Variants in SH3YL1 observed in about 807,000 individuals in gnomAD.
SH3YL1 encodes the protein SH3 and SYLF domain containing 1, also known as SH3 domain-containing YSC84-like protein 1.
In SH3YL1, 41 loss-of-function variants were observed where a neutral mutation model predicts 45.8. The observed-to-expected ratio is 0.89, with a 90% CI of 0.70 to 1.16. The LOEUF (loss-of-function observed/expected upper bound fraction) is 1.16. SH3YL1 is among the 50% of genes most tolerant of loss of function. SH3YL1 has a pLI of 0.00. For missense variants in SH3YL1, 389 were observed against 409.6 expected (o/e 0.95, Z 0.43); for synonymous variants, 152 against 151.4 (o/e 1.00, Z -0.03).
intron 1 of SH3YL1, 123 bp from the exon 2 acceptor site, chr2:253,238 TG>T: frequency 1.6e-6 from 1 of 615,760 alleles, no homozygotes; most frequent in Non-Finnish European, 2.8e-6. Context: ...GACTCCATTT[TG>T]AATAGGAGCT....
intron 8 of SH3YL1, among the ~76,000 whole-genome samples, chr2:229,396 G>A (rs889367691): frequency 6.6e-6 from 1 of 152,206 alleles, no homozygotes; most frequent in African/African-American, 2.4e-5. Context: ...GAAAATAAAT[G>A]AGAAAACCTT....
chr2:255,894 A>AT (rs1669300460), intron 1 of SH3YL1: 1 of 152,236 alleles, frequency 6.6e-6, no homozygotes, highest in African/African-American at 2.4e-5. Context: ...GGCATGTTGC[A>AT]TTTTTTAATC....
At chr2:254,021 T>C (rs765595380) in intron 1 of SH3YL1, among the ~76,000 whole-genome samples, 2 of 152,204 alleles carry the variant, frequency 1.3e-5, no homozygotes, top group Non-Finnish European at 1.5e-5. Flanking sequence ...ACCTCCCTGT[T>C]ATGTATCTTC....
chr2:243,505 A>C (rs374854242), intron 4 of SH3YL1: 12 of 1,536,772 alleles, frequency 7.8e-6, no homozygotes, highest in Non-Finnish European at 9.6e-6. Context: ...CAACATACCC[A>C]CACTTATGGA....
intron 8 of SH3YL1, among the ~76,000 whole-genome samples, chr2:226,951 A>AATGCAC (rs1267179017): frequency 5.9e-5 from 9 of 152,036 alleles, no homozygotes; most frequent in African/African-American, 2.2e-4. Flanking sequence ...CATGGTGAAA[A>AATGCAC]ATGCACATGG....
chr2:224,806 A>C, intron 9 of SH3YL1, 58 bp downstream of exon 9: 1 of 1,243,186 alleles, frequency 8.0e-7, no homozygotes, highest in Admixed American at 1.7e-5. Flanking sequence ...TTAATTAGGA[A>C]GTTTGTGATC....
chr2:228,133 G>A (rs1052155046), intron 8 of SH3YL1, among the ~76,000 whole-genome samples: 3 of 152,194 alleles, frequency 2.0e-5, no homozygotes, highest in Admixed American at 2.0e-4. Context: ...CTGAAAAGGT[G>A]GAGGGAGGAG....
rs1056916492 is a variant in SH3YL1 at position 218,719 on chromosome 2, T to A, written c.*92A>T. 1.5e-5 allele frequency: 18 copies of A among 1,162,098 alleles called. 1 individual carries two copies. The South Asian group carries it at 3.1e-4, about 20-fold the overall frequency. 72.0% of individuals were successfully genotyped at this position (1,162,098 alleles called of 1,614,324 possible). A position where few individuals can be genotyped will look rare whatever the true frequency, so the allele number is the denominator to read the frequency against. On this transcript the variant is annotated 3_prime_UTR_variant, in exon 10 of 10. Coordinates refer to ENST00000356150, the MANE Select transcript of SH3YL1 (RefSeq NM_015677.4). ...GAAATTTTGTAGAACAGAAGTTTTT[T>A]AAAATTTATATTAAACATTGCTTAA...
chr2:233,292 T>G, intron 5 of SH3YL1, 63 bp from the exon 6 acceptor site: 1 of 1,403,250 alleles, frequency 7.1e-7, no homozygotes, highest in East Asian at 2.5e-5. Context: ...GATCACTATT[T>G]AAATAGCACT....
chr2:230,658 C>T lies in SH3YL1; in HGVS notation c.702+365G>A, dbSNP rs143332552. On this transcript the variant is annotated intron_variant, in intron 7 of 9. Coordinates refer to ENST00000356150, the MANE Select transcript of SH3YL1 (RefSeq NM_015677.4). ...AGTAGCTGAGATTATGGGCACACGCCACCATGCCCAGCTAATGTTTCTATT... is the reference window on the plus strand; with the variant it reads ...AGTAGCTGAGATTATGGGCACACGCTACCATGCCCAGCTAATGTTTCTATT... The T allele has an allele frequency of 3.8e-3, 1,065 of 281,378 alleles. 9 individuals carry two copies. Among genetic ancestry groups the T allele is most frequent in the African/African-American group, 0.023 (1,016 of 44,926 alleles). 17.4% of individuals were successfully genotyped at this position (281,378 alleles called of 1,614,324 possible). A position where few individuals can be genotyped will look rare whatever the true frequency, so the allele number is the denominator to read the frequency against.
rs1043857188 is a variant in SH3YL1, at chr2:263,973, C to T, written c.1+11G>A. ...GGGTGCTGCCGGACAGGTGGGTCCC[C>T]GGGTACTCACTGCTGCCCGCCCGGC... On this transcript the variant is annotated intron_variant, in intron 1 of 9. Coordinates refer to ENST00000356150, the MANE Select transcript of SH3YL1 (RefSeq NM_015677.4). 6 of 1,493,856 alleles carry T rather than the reference C, an allele frequency of 4.0e-6. No homozygotes were observed. The highest frequency in any genetic ancestry group is 1.3e-5 in the South Asian group (1 of 79,180). 92.5% of individuals were successfully genotyped at this position (1,493,856 alleles called of 1,614,324 possible).
intron 1 of SH3YL1, among the ~76,000 whole-genome samples, chr2:262,022 G>A (rs1046307913): frequency 6.6e-6 from 1 of 152,178 alleles, no homozygotes; most frequent in Non-Finnish European, 1.5e-5. Context: ...AAAGGAACTT[G>A]AATGCTGCTA....
chr2:246,879 T>G (rs1411063717), intron 4 of SH3YL1, among the ~76,000 whole-genome samples: 1 of 152,102 alleles, frequency 6.6e-6, no homozygotes, highest in Non-Finnish European at 1.5e-5. Context: ...ACAGGGCAAA[T>G]CTACAAAGGA....
chr2:223,818 C>T lies in SH3YL1; in HGVS notation c.838+1046G>A, dbSNP rs368616594. Among the ~76,000 whole-genome samples the T allele has an allele frequency of 2.9e-3, 446 of 152,308 alleles. 4 individuals are homozygous for T. The highest frequency in any genetic ancestry group is 0.01 in the African/African-American group (419 of 41,572). ...CCGACCATCGCACCTGCTCTCCATACAGGACTCTAGGAGCAGATGCTCAAC... is the reference window on the plus strand; with the variant it reads ...CCGACCATCGCACCTGCTCTCCATATAGGACTCTAGGAGCAGATGCTCAAC... On this transcript the variant is annotated intron_variant, in intron 9 of 9. Coordinates refer to ENST00000356150, the MANE Select transcript of SH3YL1 (RefSeq NM_015677.4).
At chr2:249,042 TA>T (rs936631980) in intron 3 of SH3YL1, among the ~76,000 whole-genome samples, 3 of 152,182 alleles carry the variant, frequency 2.0e-5, no homozygotes, top group Non-Finnish European at 4.4e-5. Context: ...AAAATTATGC[TA>T]AAAAACTGCT....
intron 1 of SH3YL1, chr2:262,733 C>T (rs1270667033): frequency 8.0e-7 from 1 of 1,248,478 alleles, no homozygotes; most frequent in Non-Finnish European, 1.0e-6. Context: ...TTTGTGTTGA[C>T]ATGCCAGATC....
At chr2:225,759 A>C (rs992834808) in intron 8 of SH3YL1, among the ~76,000 whole-genome samples, 1 of 152,248 alleles carries the variant, frequency 6.6e-6, no homozygotes, top group African/African-American at 2.4e-5. Flanking sequence ...TTGGTACTTA[A>C]GTAGAAATAG....
intron 7 of SH3YL1, 156 bp downstream of exon 7, chr2:230,867 A>T (rs1250204967): frequency 1.4e-6 from 1 of 690,466 alleles, no homozygotes; most frequent in Non-Finnish European, 2.5e-6. Flanking sequence ...GTACAGAGGA[A>T]ATGTCAAGGT....
intron 9 of SH3YL1, 24 bp from the exon 10 acceptor site, chr2:219,025 CGTTTAT>C (rs778661104): frequency 1.6e-5 from 26 of 1,587,704 alleles, no homozygotes; most frequent in Non-Finnish European, 2.1e-5. Context: ...AAAGTATTCA[CGTTTAT>C]GTTCTTTAAG....
Sources: allele counts gnomAD v4.1 joint callset (sites outside exome capture counted in the v4.1 genomes callset), GRCh38; gene constraint gnomAD v4.1.1; transcripts MANE v1.5; gene names NCBI Gene and HGNC (gene_info 2026-07-23, HGNC 2026-07-21).